Variants in SNAPC1 observed in about 807,000 individuals in gnomAD.
SNAPC1 encodes small nuclear RNA activating complex polypeptide 1.
SNAPC1 carries 42 observed loss-of-function variants against 50.1 expected under a neutral mutation model. That is an observed-to-expected ratio of 0.84 (90% CI 0.65 to 1.08). The LOEUF (loss-of-function observed/expected upper bound fraction) is 1.08, where lower values mean the gene tolerates loss of function less well. Ranked by LOEUF, SNAPC1 falls within the 50% of genes least tolerant of loss-of-function variation. SNAPC1 has a pLI of 0.00. For missense variants in SNAPC1, 477 were observed against 427.3 expected (o/e 1.12, Z -1.02); for synonymous variants, 164 against 144.2 (o/e 1.14, Z -0.98).
chr14:61,764,023 C>T (rs886187608), intron 1 of SNAPC1, among the ~76,000 whole-genome samples: 2 of 152,136 alleles, frequency 1.3e-5, no homozygotes, highest in African/African-American at 2.4e-5. Context: ...CAACCTCCAC[C>T]TCCCGGGTTC....
At chr14:61,791,863 T>A (rs1465849618) in intron 8 of SNAPC1, among the ~76,000 whole-genome samples, 1 of 151,778 alleles carries the variant, frequency 6.6e-6, no homozygotes, top group Non-Finnish European at 1.5e-5. Context: ...AAAAATAGCT[T>A]AAGTGTGCGG....
rs191530091 is a variant in SNAPC1 at position 61,762,425 on chromosome 14, C to A, written c.-36C>A. 1 of 1,604,146 alleles carries A rather than the reference C, an allele frequency of 6.2e-7. No homozygotes were observed. The highest frequency in any genetic ancestry group is 1.3e-5 in the African/African-American group (1 of 74,858). ...CCACCGCTGGCTAGTCCGTTAGAGG[C>A]GTGCGGGCTTCGGAGGCGTGCGGGC... On this transcript the variant is annotated 5_prime_UTR_variant, in exon 1 of 10. Coordinates refer to ENST00000216294, the MANE Select transcript of SNAPC1 (RefSeq NM_003082.4).
At chr14:61,769,619 G>C (rs995818142) in intron 4 of SNAPC1, among the ~76,000 whole-genome samples, 2 of 151,882 alleles carry the variant, frequency 1.3e-5, no homozygotes, top group Non-Finnish European at 2.9e-5. Context: ...GGATGGTCTC[G>C]ATCTCCTGAC....
chr14:61,782,441 G>C, intron 8 of SNAPC1, 44 bp downstream of exon 8: 1 of 1,492,154 alleles, frequency 6.7e-7, no homozygotes, highest in Non-Finnish European at 9.1e-7. Context: ...AGGAGAATGG[G>C]TTTTATTTAC....
intron 8 of SNAPC1, among the ~76,000 whole-genome samples, chr14:61,792,577 C>T (rs1555342344): frequency 6.6e-6 from 1 of 151,926 alleles, no homozygotes; most frequent in Non-Finnish European, 1.5e-5. Context: ...CCTTTTTTCT[C>T]TGTTTTCTCT....
At chr14:61,779,807 C>CA (rs1238088512) in intron 7 of SNAPC1, among the ~76,000 whole-genome samples, 1 of 148,360 alleles carries the variant, frequency 6.7e-6, no homozygotes, top group Non-Finnish European at 1.5e-5. Flanking sequence ...TTCCCAGGTT[C>CA]AAGTGATTCT....
chr14:61,783,373 C>G (rs547143832), intron 8 of SNAPC1, among the ~76,000 whole-genome samples: 1 of 151,984 alleles, frequency 6.6e-6, no homozygotes, highest in Admixed American at 6.6e-5. Context: ...GCGAATCAAA[C>G]TTATTTGTAG....
At chr14:61,767,377 T>G (rs2044956126) in intron 3 of SNAPC1, 25 bp downstream of exon 3, 2 of 1,383,522 alleles carry the variant, frequency 1.4e-6, no homozygotes, top group Non-Finnish European at 1.9e-6. Context: ...ATAATTTGGT[T>G]TTTTCAAAAT....
chr14:61,789,055 A>AC (rs1178180712), intron 8 of SNAPC1, among the ~76,000 whole-genome samples: 5 of 152,032 alleles, frequency 3.3e-5, no homozygotes, highest in Non-Finnish European at 7.4e-5. Flanking sequence ...ATATGGTGAA[A>AC]CCCCACCTCT....
chr14:61,771,119 T>G (rs2044987563), intron 4 of SNAPC1, among the ~76,000 whole-genome samples: 2 of 152,182 alleles, frequency 1.3e-5, no homozygotes, highest in Admixed American at 6.5e-5. Context: ...CCAAAAAGGT[T>G]AAGAATTACT....
intron 8 of SNAPC1, among the ~76,000 whole-genome samples, chr14:61,784,328 G>C (rs1018047493): frequency 3.0e-4 from 45 of 152,252 alleles, no homozygotes; most frequent in Admixed American, 2.8e-3. Context: ...CCTTGACTGA[G>C]TACACTTATT....
chr14:61,771,898 G>A (rs1172576950), intron 4 of SNAPC1, among the ~76,000 whole-genome samples: 1 of 152,160 alleles, frequency 6.6e-6, no homozygotes, highest in Non-Finnish European at 1.5e-5. Context: ...GAGCATCATG[G>A]GGATCAGGGA....
intron 8 of SNAPC1, among the ~76,000 whole-genome samples, chr14:61,783,502 C>T (rs184917714): frequency 6.4e-4 from 90 of 139,606 alleles, no homozygotes; most frequent in African/African-American, 2.3e-3. Context: ...AAATTACTTT[C>T]GTATATATTT....
intron 8 of SNAPC1, among the ~76,000 whole-genome samples, chr14:61,789,020 C>G (rs989337400): frequency 6.6e-6 from 1 of 152,150 alleles, no homozygotes; most frequent in African/African-American, 2.4e-5. Context: ...ATCACAAGGT[C>G]AGGAGTTCAA....
intron 4 of SNAPC1, among the ~76,000 whole-genome samples, chr14:61,774,443 T>C (rs1181290497): frequency 2.0e-5 from 3 of 152,192 alleles, no homozygotes; most frequent in African/African-American, 7.2e-5. Flanking sequence ...GACTTCCCCA[T>C]TGTCATCCAT....
rs773686095 is a variant in SNAPC1 at position 61,763,559 on chromosome 14, CTT to C, written c.128+972_128+973del. ...ATCCTGGAGTTTCCACCGCAACTCTCTTGTTTTGTCCACCTTATTCTTCACTC... is the reference window on the plus strand; with the variant it reads ...ATCCTGGAGTTTCCACCGCAACTCTCGTTTTGTCCACCTTATTCTTCACTC... On this transcript the variant is annotated intron_variant, in intron 1 of 9. Coordinates refer to ENST00000216294, the MANE Select transcript of SNAPC1 (RefSeq NM_003082.4). Among the ~76,000 whole-genome samples, 130 of 144,296 alleles carry C rather than the reference CTT, an allele frequency of 9.0e-4. 1 individual carries two copies. Among genetic ancestry groups the C allele is most frequent in the African/African-American group, 3.1e-3 (124 of 39,548 alleles). 94.7% of individuals were successfully genotyped at this position (144,296 alleles called of 152,430 possible).
intron 8 of SNAPC1, among the ~76,000 whole-genome samples, chr14:61,788,794 T>A (rs2045132251): frequency 6.6e-6 from 1 of 152,208 alleles, no homozygotes; most frequent in South Asian, 2.1e-4. Context: ...TTAGAATTGC[T>A]AGGAATTTAT....
At chr14:61,780,275 A>G (rs1433479802) in intron 7 of SNAPC1, among the ~76,000 whole-genome samples, 5 of 152,214 alleles carry the variant, frequency 3.3e-5, no homozygotes, top group Middle Eastern at 3.4e-3. Context: ...TCTATTTTCA[A>G]TAAGAGGCCT....
At chr14:61,783,015 G>C (rs911121589) in intron 8 of SNAPC1, among the ~76,000 whole-genome samples, 3 of 138,188 alleles carry the variant, frequency 2.2e-5, no homozygotes, top group Non-Finnish European at 3.1e-5. Context: ...ATTTTCCAGT[G>C]CATTTTTTTT....
Sources: allele counts gnomAD v4.1 joint callset (sites outside exome capture counted in the v4.1 genomes callset), GRCh38; gene constraint gnomAD v4.1.1; transcripts MANE v1.5; gene names NCBI Gene and HGNC (gene_info 2026-07-23, HGNC 2026-07-21).